TBX1: variants seen among roughly 807,000 people sequenced by gnomAD.
The protein encoded by TBX1 is T-box transcription factor TBX1.
Under a neutral mutation model 40.8 loss-of-function variants are expected in TBX1, and 16 were observed. The ratio of observed to expected loss-of-function variants is 0.39; its 90% CI spans 0.27 to 0.60. TBX1 has a LOEUF of 0.60. Among genes scored for constraint, TBX1 ranks in the 20% least tolerant of loss-of-function variants. The pLI, the probability that TBX1 is intolerant of heterozygous loss-of-function variation, is 0.51. For missense variants in TBX1, 755 were observed against 728.5 expected (o/e 1.04, Z -0.42); for synonymous variants, 403 against 336.8 (o/e 1.20, Z -2.15).
chr22:19,761,046 G>A lies in TBX1; in HGVS notation c.203G>A (p.Gly68Asp). The A allele has an allele frequency of 2.2e-6, 2 of 893,136 alleles. No homozygotes were observed. Among genetic ancestry groups the A allele is most frequent in the Non-Finnish European group, 2.7e-6 (2 of 749,364 alleles). The allele number at this position is 893,136 out of a possible 1,614,324, so 55.3% of individuals were successfully genotyped here. A position where few individuals can be genotyped will look rare whatever the true frequency, so the allele number is the denominator to read the frequency against. Residue 68 changes from glycine to aspartate, a missense_variant, in exon 1 of 7, where the codon GGC (glycine) becomes GAC (aspartate). Physicochemically the swap from Gly to Asp is moderately conservative, Grantham distance 94. Coordinates refer to ENST00000649276, the MANE Select transcript of TBX1 (RefSeq NM_001379200.1). ...GACCCGTGCGCCGCCGCCGCCCCCG[G>A]CGCCCCGGGCCCGCCGCCGCCGCCG... ...RYDPCAAAAP[G>D]APGPPPPPHA...
chr22:19,759,698 T>C (rs1381800216), upstream of TBX1: 1 of 1,611,618 alleles, frequency 6.2e-7, no homozygotes, highest in Admixed American at 1.7e-5. Context: ...AGGCCGTGTC[T>C]ACACTGGCCC....
intron 8 of TBX1, among the ~76,000 whole-genome samples, chr22:19,776,208 G>A (rs971818151): frequency 1.3e-5 from 2 of 152,084 alleles, no homozygotes; most frequent in Non-Finnish European, 2.9e-5. Flanking sequence ...TCGTGGCTCC[G>A]TGTCTGCCCG....
intron 8 of TBX1, among the ~76,000 whole-genome samples, chr22:19,777,168 G>A (rs570570299): frequency 6.3e-4 from 96 of 151,994 alleles, no homozygotes; most frequent in Middle Eastern, 3.4e-3. Context: ...CTATTAACTC[G>A]TCATTTAGCA....
intron 8 of TBX1, among the ~76,000 whole-genome samples, chr22:19,773,096 A>G (rs374756812): frequency 6.6e-4 from 100 of 152,328 alleles, no homozygotes; most frequent in African/African-American, 2.2e-3. Flanking sequence ...AGAGCTTACG[A>G]GCACGGGCGT....
chr22:19,758,671 C>T (rs1170087748), upstream of TBX1, among the ~76,000 whole-genome samples: 3 of 152,150 alleles, frequency 2.0e-5, no homozygotes, highest in East Asian at 3.9e-4. Flanking sequence ...GCTCCGCCCC[C>T]GGCCCTCCCT....
chr22:19,763,586 C>A, intron 2 of TBX1: 1 of 559,502 alleles, frequency 1.8e-6, no homozygotes. Context: ...CTCCCCTGGG[C>A]TGGTGTGGCC....
At chr22:19,761,365 G>C in intron 1 of TBX1, 85 bp downstream of exon 1, 1 of 1,360,482 alleles carries the variant, frequency 7.4e-7, no homozygotes, top group Non-Finnish European at 9.6e-7. Context: ...CGCGAGCGGG[G>C]CCGAAAGCCG....
chr22:19,759,686 C>G (rs1216016450), upstream of TBX1: 3 of 1,612,254 alleles, frequency 1.9e-6, no homozygotes, highest in East Asian at 6.7e-5. Context: ...AGGTGAGCCT[C>G]CAGGCCGTGT....
At chr22:19,765,244 A>G (rs1470672104) in intron 4 of TBX1, 131 bp downstream of exon 4, 2 of 1,383,840 alleles carry the variant, frequency 1.4e-6, no homozygotes, top group Non-Finnish European at 2.0e-6. Context: ...GCCCAACCCA[A>G]CTGGAGCCCC....
At chr22:19,780,112 T>C (rs563971562), downstream of TBX1, among the ~76,000 whole-genome samples, 10 of 152,252 alleles carry the variant, frequency 6.6e-5, no homozygotes, top group African/African-American at 1.2e-4. Flanking sequence ...GTTTTTAACA[T>C]TGAGGGAAAA....
chr22:19,783,131 A>T (rs1191986093), downstream of TBX1: 1 of 735,628 alleles, frequency 1.4e-6, no homozygotes, highest in Non-Finnish European at 2.5e-6. Flanking sequence ...AGCCCTGGCC[A>T]TCACCCCGTG....
At chr22:19,772,039 A>C (rs1936998158), downstream of TBX1, among the ~76,000 whole-genome samples, 1 of 152,188 alleles carries the variant, frequency 6.6e-6, no homozygotes, top group African/African-American at 2.4e-5. Flanking sequence ...CTCCCTGCAC[A>C]TCCCTAGTCT....
chr22:19,766,328 G>A (rs1279281128), intron 6 of TBX1, 61 bp from the exon 7 acceptor site: 40 of 1,233,210 alleles, frequency 3.2e-5, no homozygotes, highest in Non-Finnish European at 3.8e-5. Flanking sequence ...GCCTCGCATG[G>A]GGCGTCGGAG....
At chr22:19,783,543 C>A, downstream of TBX1, 1 of 185,402 alleles carries the variant, frequency 5.4e-6, no homozygotes. Flanking sequence ...GAGTGAGACC[C>A]CCACTGTCCC....
rs1429174676 is a variant in TBX1 at position 19,767,113 on chromosome 22, AGG to A, written c.*250_*251del. 10 of 1,247,104 alleles carry A rather than the reference AGG, an allele frequency of 8.0e-6. No homozygotes were observed. Among genetic ancestry groups the A allele is most frequent in the Non-Finnish European group, 1.0e-5 (10 of 997,114 alleles). 77.3% of individuals were successfully genotyped at this position (1,247,104 alleles called of 1,614,324 possible). ...GGTCCTTCCCCGGCCCCGAGGGCCAAGGGGGTCCCCGCCCGCCAGTGCCAAAG... is the reference window on the plus strand; with the variant it reads ...GGTCCTTCCCCGGCCCCGAGGGCCAAGGGTCCCCGCCCGCCAGTGCCAAAG... On this transcript the variant is annotated 3_prime_UTR_variant, in exon 7 of 7. Transcript: ENST00000649276.
downstream of TBX1, among the ~76,000 whole-genome samples, chr22:19,769,800 G>A (rs932319394): frequency 2.0e-5 from 3 of 152,250 alleles, no homozygotes; most frequent in Non-Finnish European, 4.4e-5. Context: ...TCATGAGTGG[G>A]ATTAGTTGAG....
In TBX1 at chr22:19,761,178, A is replaced by G. The variant is rs1195133200; in HGVS notation, c.335A>G (p.Lys112Arg). ...GCCGCAGCCAAGGCGCCGGTGAAGA[A>G]GAACGCGAAGGTGGCCGGTGTGAGC... The part of the protein sequence containing the change: ...CAAAAKAPVK[K>R]NAKVAGVSVQ... Residue 112 changes from lysine (K) to arginine (R), a missense_variant, in exon 1 of 7, where the codon AAG (lysine) becomes AGG (arginine). Lys to Arg is a conservative substitution (Grantham distance 26, BLOSUM62 2). Transcript: ENST00000649276. 3 of 1,532,020 alleles carry G rather than the reference A, an allele frequency of 2.0e-6. No individual in the cohort carries two copies. The highest frequency in any genetic ancestry group is 2.6e-6 in the Non-Finnish European group (3 of 1,136,564). 94.9% of individuals were successfully genotyped at this position (1,532,020 alleles called of 1,614,324 possible).
downstream of TBX1, among the ~76,000 whole-genome samples, chr22:19,769,432 G>A (rs1936951083): frequency 6.6e-6 from 1 of 152,200 alleles, no homozygotes; most frequent in Non-Finnish European, 1.5e-5. Context: ...CTCCACCTTT[G>A]TAGATGAGTT....
intron 2 of TBX1, 128 bp downstream of exon 2, chr22:19,763,470 G>T: frequency 2.5e-6 from 2 of 786,280 alleles, no homozygotes; most frequent in South Asian, 3.2e-5. Flanking sequence ...GATGCTGCCC[G>T]ATCAACCCGC....
Sources: allele counts gnomAD v4.1 joint callset (sites outside exome capture counted in the v4.1 genomes callset), GRCh38; gene constraint gnomAD v4.1.1; transcripts MANE v1.5; gene names NCBI Gene and HGNC (gene_info 2026-07-23, HGNC 2026-07-21).